The following SLC16A9 variants were observed in gnomAD, a reference collection of about 807,000 sequenced individuals.
SLC16A9 encodes solute carrier family 16 member 9.
A neutral mutation model predicts 44.3 loss-of-function variants in SLC16A9; 26 were observed. The observed-to-expected ratio is 0.59, with a 90% CI of 0.43 to 0.81. The LOEUF is 0.81. SLC16A9 is among the 40% of genes least tolerant of loss of function. The pLI is 0.00. For synonymous variants in SLC16A9, 230 were observed against 225.1 expected (o/e 1.02, Z -0.19); for missense variants, 559 against 595.8 (o/e 0.94, Z 0.64).
chr10:59,660,789 A>G lies in SLC16A9; in HGVS notation c.436+3438T>C, dbSNP rs1380454152. On this transcript the variant is annotated intron_variant, in intron 4 of 5. Coordinates refer to ENST00000395348, the MANE Select transcript of SLC16A9 (RefSeq NM_194298.3). ...GGCAAACCAAATCCAGCAGCACGTTAAAAAGCTTATCCACCACGATCAAGT... is the reference window on the plus strand; with the variant it reads ...GGCAAACCAAATCCAGCAGCACGTTGAAAAGCTTATCCACCACGATCAAGT... Among the ~76,000 whole-genome samples, 4 of 152,200 alleles carry G rather than the reference A, an allele frequency of 2.6e-5. No individual in the cohort carries two copies. The East Asian group carries it at 7.7e-4, about 29-fold the overall frequency.
At chr10:59,684,777 G>A (rs1840096693) in intron 1 of SLC16A9, among the ~76,000 whole-genome samples, 1 of 152,200 alleles carries the variant, frequency 6.6e-6, no homozygotes, top group South Asian at 2.1e-4. Flanking sequence ...AGATAACCTT[G>A]CAGTTATAAA....
intron 2 of SLC16A9, among the ~76,000 whole-genome samples, chr10:59,681,527 G>GTATATGTA (rs1564705538): frequency 1.0e-5 from 1 of 95,318 alleles, no homozygotes; most frequent in Non-Finnish European, 2.1e-5. Flanking sequence ...ATGTATATGT[G>GTATATGTA]TATGTGTATG....
At chr10:59,660,213 G>T (rs1423497293) in intron 4 of SLC16A9, among the ~76,000 whole-genome samples, 1 of 152,134 alleles carries the variant, frequency 6.6e-6, no homozygotes, top group Non-Finnish European at 1.5e-5. Context: ...GAATCCAGGA[G>T]CTGGTTTTTT....
chr10:59,685,138 T>A (rs1840104333), intron 1 of SLC16A9, among the ~76,000 whole-genome samples: 1 of 152,212 alleles, frequency 6.6e-6, no homozygotes, highest in South Asian at 2.1e-4. Flanking sequence ...AAAAAAGTAG[T>A]ATATTATACA....
chr10:59,694,801 A>AATATACATATATATATATAT (rs1840332605), intron 1 of SLC16A9, among the ~76,000 whole-genome samples: 1 of 72,462 alleles, frequency 1.4e-5, no homozygotes, highest in Non-Finnish European at 3.2e-5. Context: ...CTCCATCTCA[A>AATATACATATATATATATAT]ATATATATAT....
intron 2 of SLC16A9, among the ~76,000 whole-genome samples, chr10:59,677,079 A>ACACACACACACACT (rs1339542237): frequency 4.0e-5 from 6 of 151,420 alleles, no homozygotes; most frequent in Non-Finnish European, 5.9e-5. Flanking sequence ...ACACACACAC[A>ACACACACACACACT]CTCATACATT....
At chr10:59,659,940 C>A (rs537735174) in intron 4 of SLC16A9, among the ~76,000 whole-genome samples, 4 of 152,264 alleles carry the variant, frequency 2.6e-5, no homozygotes, top group African/African-American at 7.2e-5. Flanking sequence ...TAAATAAGTT[C>A]TTTGAAACCA....
chr10:59,694,062 G>A (rs1276195973), intron 1 of SLC16A9, among the ~76,000 whole-genome samples: 2 of 148,608 alleles, frequency 1.3e-5, no homozygotes, highest in Admixed American at 6.7e-5. Context: ...CTCAGCCTCC[G>A]GAGTAGCTGG....
Position 59,651,377 on chromosome 10 carries a change from C to T in SLC16A9, c.*1395G>A, listed in dbSNP as rs962670018. On this transcript the variant is annotated 3_prime_UTR_variant, in exon 6 of 6. Transcript: ENST00000395348. ...GCTATTGGTTTATAAAATCCCCTGA[C>T]CTCTTGGGTTTTAAAAAAATTATTA... 2.0e-5 allele frequency: 3 copies of T among 152,108 alleles called. No individual in the cohort carries two copies. Among genetic ancestry groups the T allele is most frequent in the African/African-American group, 7.2e-5 (3 of 41,414 alleles). The allele number at this position is 152,108 out of a possible 1,614,324, so 9.4% of individuals were successfully genotyped here.
In SLC16A9 at chr10:59,659,732, T is replaced by C. The variant is rs187850735; in HGVS notation, c.436+4495A>G. Among the ~76,000 whole-genome samples, 17 of 152,204 alleles carry C rather than the reference T, an allele frequency of 1.1e-4. No individual in the cohort carries two copies. In the East Asian group the frequency reaches 3.3e-3, roughly 29 times the overall value. On this transcript the variant is annotated intron_variant, in intron 4 of 5. Transcript: ENST00000395348. The stretch of plus-strand genomic sequence containing the variant: ...GCATCACACAGCACTTATTCTGAAA[T>C]AGACCACATAATTGGAAGTAAAACA...
chr10:59,660,619 T>C (rs1166609375), intron 4 of SLC16A9, among the ~76,000 whole-genome samples: 1 of 151,810 alleles, frequency 6.6e-6, no homozygotes, highest in Non-Finnish European at 1.5e-5. Flanking sequence ...TTCCAAACAA[T>C]AGAAAAACAG....
Position 59,653,971 on chromosome 10 carries a change from A to G in SLC16A9, c.1055T>C (p.Met352Thr), listed in dbSNP as rs748595133. 100 of 1,613,842 alleles carry G rather than the reference A, an allele frequency of 6.2e-5. No homozygotes were observed. Among genetic ancestry groups the G allele is most frequent in the Non-Finnish European group, 8.4e-5 (99 of 1,180,036 alleles). The change falls in exon 5 of 6, where the codon ATG becomes ACG. Residue 352 changes from methionine to threonine, a missense_variant. Coordinates refer to ENST00000395348, the MANE Select transcript of SLC16A9 (RefSeq NM_194298.3). ...IMPLISIIGI[M>T]TAVGKLLLGI... The stretch of plus-strand genomic sequence containing the variant: ...TAAAAGCAGTTTACCAACTGCTGTC[A>G]TAATGCCTATAATGGAAATAAGTGG...
Position 59,667,632 on chromosome 10 carries a change from T to G in SLC16A9, c.341-3310A>C, listed in dbSNP as rs1049708874. Reference sequence around the variant, plus strand: ...AGTATAATCCTCATAATCAAAAGTTTCCAGGTGTTCTAAATAGAAGAATGT... The same window carrying G: ...AGTATAATCCTCATAATCAAAAGTTGCCAGGTGTTCTAAATAGAAGAATGT... On this transcript the variant is annotated intron_variant, in intron 3 of 5. Coordinates refer to ENST00000395348, the MANE Select transcript of SLC16A9 (RefSeq NM_194298.3). 7.2e-5 allele frequency among the ~76,000 whole-genome samples: 11 copies of G among 152,310 alleles called. No individual in the cohort carries two copies. The East Asian group carries it at 2.1e-3, about 29-fold the overall frequency.
At chr10:59,664,031 T>TAAA (rs71467073) in intron 4 of SLC16A9, among the ~76,000 whole-genome samples, 196 bp downstream of exon 4, 2 of 122,536 alleles carry the variant, frequency 1.6e-5, no homozygotes, top group African/African-American at 6.5e-5. Context: ...ATGTAAAATG[T>TAAA]AAAAAAAAAA....
intron 2 of SLC16A9, among the ~76,000 whole-genome samples, chr10:59,674,653 C>A (rs1194022080): frequency 6.6e-6 from 1 of 152,212 alleles, no homozygotes; most frequent in Non-Finnish European, 1.5e-5. Flanking sequence ...TGTCTGACAG[C>A]ATAAGGCATG....
At chr10:59,705,497 G>A (rs1310806136) in intron 1 of SLC16A9, among the ~76,000 whole-genome samples, 6 of 152,040 alleles carry the variant, frequency 3.9e-5, no homozygotes, top group African/African-American at 1.2e-4. Flanking sequence ...TGGCTCCCTT[G>A]ACATAACATG....
chr10:59,702,585 A>G (rs1840548736), intron 1 of SLC16A9, among the ~76,000 whole-genome samples: 1 of 152,194 alleles, frequency 6.6e-6, no homozygotes, highest in Non-Finnish European at 1.5e-5. Context: ...TCTCATTGTC[A>G]ACATCTGCTC....
rs1183072715 is a variant in SLC16A9, at chr10:59,697,107, TG to T, written c.-37+12371del. Among the ~76,000 whole-genome samples the T allele has an allele frequency of 8.0e-5, 6 of 75,172 alleles. 2 individuals carry two copies. The East Asian group carries it at 2.5e-3, about 31-fold the overall frequency. 49.3% of individuals were successfully genotyped at this position (75,172 alleles called of 152,430 possible). ...CCAGCCGCCCTGTCCGGGAGGGAGG[TG>T]GGGGGGTTCAGCCCCCCGCCCAGCC... is the stretch of plus-strand genomic sequence containing the variant. On this transcript the variant is annotated intron_variant, in intron 1 of 5. Transcript: ENST00000395348.
chr10:59,698,031 C>T (rs954036411), intron 1 of SLC16A9, among the ~76,000 whole-genome samples: 6 of 151,036 alleles, frequency 4.0e-5, no homozygotes, highest in African/African-American at 7.3e-5. Context: ...CTTTCACAAC[C>T]TTAGGGTTTT....
Sources: gnomAD v4.1 joint callset for allele counts (sites outside exome capture counted in the v4.1 genomes callset) on GRCh38, gnomAD v4.1.1 for gene constraint, MANE v1.5 for transcripts, NCBI Gene and HGNC (gene_info 2026-07-23, HGNC 2026-07-21) for gene names.